NKD1: variants seen among roughly 807,000 people sequenced by gnomAD.
NKD1 encodes the protein protein naked cuticle homolog 1.
NKD1 carries 21 observed loss-of-function variants against 56.0 expected under a neutral mutation model. The ratio of observed to expected loss-of-function variants is 0.38; its 90% confidence interval spans 0.27 to 0.54. The LOEUF (loss-of-function observed/expected upper bound fraction) is 0.54, where lower values mean the gene tolerates loss of function less well. Among genes scored for constraint, NKD1 ranks in the 20% least tolerant of loss-of-function variants. The pLI is 0.82. For synonymous variants in NKD1, 263 were observed against 265.7 expected (o/e 0.99, Z 0.10); for missense variants, 578 against 642.7 (o/e 0.90, Z 1.09).
chr16:50,633,451 G>A lies in NKD1; in HGVS notation c.1083G>A (p.Val361=). The A allele has an allele frequency of 6.2e-7, 1 of 1,609,460 alleles. No homozygotes were observed. The highest frequency in any genetic ancestry group is 8.5e-7 in the Non-Finnish European group (1 of 1,177,348). Residue 361 remains valine (V), a synonymous_variant, in exon 10 of 10, where the codon GTG becomes GTA. Coordinates refer to ENST00000268459, the MANE Select transcript of NKD1 (RefSeq NM_033119.5). The surrounding 1 kb of genome is among the most constrained non-coding windows in gnomAD (Gnocchi z 4.9). ...GCAAGAGTGTGGGTGTGGGCCACGT[G>A]GCCAGAGGGGCAAGAAACAAGCCCC... ...AQGKSVGVGH[V]ARGARNKPPL...
chr16:50,549,838 T>C (rs972909156), intron 3 of NKD1, among the ~76,000 whole-genome samples: 2 of 152,048 alleles, frequency 1.3e-5, no homozygotes, highest in Non-Finnish European at 2.9e-5. Flanking sequence ...CCGGCGGGAT[T>C]TGGGGGCCTG....
At chr16:50,630,460 G>A in intron 7 of NKD1, 127 bp downstream of exon 7, 1 of 849,486 alleles carries the variant, frequency 1.2e-6, no homozygotes, top group Non-Finnish European at 1.8e-6. Flanking sequence ...GACAGGTGGG[G>A]TTCAAATGGG....
Position 50,549,699 on chromosome 16 carries a change from C to A in NKD1, c.192+144C>A, listed in dbSNP as rs369682483. 8.3e-6 allele frequency: 7 copies of A among 842,798 alleles called. No individual in the cohort carries two copies. The African/African-American group carries it at 1.1e-4, about 13-fold the overall frequency. 52.2% of individuals were successfully genotyped at this position (842,798 alleles called of 1,614,324 possible). A position where few individuals can be genotyped will look rare whatever the true frequency, so the allele number is the denominator to read the frequency against. On this transcript the variant is annotated intron_variant, in intron 3 of 9. Transcript: ENST00000268459. The stretch of plus-strand genomic sequence containing the variant: ...TCTTCTCAGCTGCCCCCTGCCCCAC[C>A]AACGCGACCCTCTGCCCGCATGCCT...
chr16:50,621,544 A>C (rs1962088513), intron 4 of NKD1, 58 bp from the exon 5 acceptor site: 2 of 1,283,322 alleles, frequency 1.6e-6, no homozygotes, highest in Non-Finnish European at 1.1e-6. Flanking sequence ...TGCAGTGAGC[A>C]TGGCTGCCCG....
chr16:50,633,449 G>C lies in NKD1; in HGVS notation c.1081G>C (p.Val361Leu). 6.2e-7 allele frequency: 1 copy of C among 1,609,668 alleles called. No homozygotes were observed. The highest frequency in any genetic ancestry group is 8.5e-7 in the Non-Finnish European group (1 of 1,177,418). The change falls in exon 10 of 10, where the codon GTG becomes CTG. Residue 361 changes from valine to leucine, a missense_variant. Transcript: ENST00000268459. This position sits in a 1 kb window ranked among gnomAD's most constrained non-coding sequence, Gnocchi z 4.9. ...GGGCAAGAGTGTGGGTGTGGGCCACGTGGCCAGAGGGGCAAGAAACAAGCC... is the reference window on the plus strand; with the variant it reads ...GGGCAAGAGTGTGGGTGTGGGCCACCTGGCCAGAGGGGCAAGAAACAAGCC... ...AQGKSVGVGHVARGARNKPPL... is the reference protein window; with the variant it reads ...AQGKSVGVGHLARGARNKPPL...
In NKD1 at chr16:50,623,725, CTGTGTG is replaced by C. The variant is rs71928407; in HGVS notation, c.367-1726_367-1721del. 9.1e-4 allele frequency among the ~76,000 whole-genome samples: 129 copies of C among 141,618 alleles called. No individual in the cohort carries two copies. The highest frequency in any genetic ancestry group is 7.1e-3 in the Middle Eastern group (2 of 280). The allele number at this position is 141,618 out of a possible 152,430, so 92.9% of individuals were successfully genotyped here. On this transcript the variant is annotated intron_variant, in intron 5 of 9. Coordinates refer to ENST00000268459, the MANE Select transcript of NKD1 (RefSeq NM_033119.5). This position sits in a 1 kb window ranked among gnomAD's most constrained non-coding sequence, Gnocchi z 4.1. ...AAGCTGTCTTGGAAACAGGTAAGTG[CTGTGTG>C]TGTGTGTGTGTGTGTGTGTGTGTGT...
intron 3 of NKD1, among the ~76,000 whole-genome samples, chr16:50,601,448 G>T (rs1006546346): frequency 6.6e-6 from 1 of 152,222 alleles, no homozygotes; most frequent in Non-Finnish European, 1.5e-5. Flanking sequence ...GTGCCTGCGT[G>T]GTACCAGGCG....
intron 3 of NKD1, among the ~76,000 whole-genome samples, chr16:50,582,614 C>T (rs962430168): frequency 2.0e-5 from 3 of 152,224 alleles, no homozygotes; most frequent in Non-Finnish European, 4.4e-5. Flanking sequence ...TGTTCATCCA[C>T]GAATTATCTG....
At chr16:50,579,993 C>G (rs1961082388) in intron 3 of NKD1, among the ~76,000 whole-genome samples, 1 of 151,940 alleles carries the variant, frequency 6.6e-6, no homozygotes. Context: ...CGCACCCTAA[C>G]CTGCTACACA....
rs1446086512 is a variant in NKD1, at chr16:50,646,619, C to T, written c.*12838C>T. 2 of 152,272 alleles carry T rather than the reference C, an allele frequency of 1.3e-5. No individual in the cohort carries two copies. The highest frequency in any genetic ancestry group is 2.9e-5 in the Non-Finnish European group (2 of 68,108). 9.4% of individuals were successfully genotyped at this position (152,272 alleles called of 1,614,324 possible). A position where few individuals can be genotyped will look rare whatever the true frequency, so the allele number is the denominator to read the frequency against. On this transcript the variant is annotated 3_prime_UTR_variant, in exon 10 of 10. Transcript: ENST00000268459. ...AGGCCCTGGGGACACAGTGCCCTCC[C>T]TCTAGGAGCCTTAATGGGGAAAACA... is the stretch of plus-strand genomic sequence containing the variant.
At chr16:50,578,910 G>T (rs1596716985) in intron 3 of NKD1, among the ~76,000 whole-genome samples, 1 of 152,136 alleles carries the variant, frequency 6.6e-6, no homozygotes, top group South Asian at 2.1e-4. Context: ...TAAAAACAAA[G>T]AAAGAAATAT....
chr16:50,630,412 A>T (rs1013081466), intron 7 of NKD1, 79 bp downstream of exon 7: 95 of 1,524,302 alleles, frequency 6.2e-5, no homozygotes, highest in Non-Finnish European at 8.4e-5. Context: ...GGAGGGCCGG[A>T]AGGGAACCTG....
intron 6 of NKD1, among the ~76,000 whole-genome samples, chr16:50,626,050 A>G (rs553705745): frequency 6.6e-6 from 1 of 152,326 alleles, no homozygotes; most frequent in East Asian, 1.9e-4. Context: ...TTTTGAGGCT[A>G]CAGGAATGAG....
At chr16:50,616,165 G>A (rs773765039) in intron 4 of NKD1, 3 of 436,204 alleles carry the variant, frequency 6.9e-6, no homozygotes, top group East Asian at 7.2e-5. Flanking sequence ...ATGTCAGGGC[G>A]AGCATCCAGA....
At chr16:50,599,081 C>T (rs112696256) in intron 3 of NKD1, among the ~76,000 whole-genome samples, 12 of 152,178 alleles carry the variant, frequency 7.9e-5, no homozygotes, top group East Asian at 3.9e-4. Flanking sequence ...TCTCTGCAGC[C>T]GGCCAGAAGT....
intron 3 of NKD1, chr16:50,557,193 T>C (rs1039347481): frequency 2.6e-5 from 4 of 152,242 alleles, no homozygotes; most frequent in Non-Finnish European, 5.9e-5. Flanking sequence ...AAACAAGTTG[T>C]GCAATTTAAG....
intron 8 of NKD1, among the ~76,000 whole-genome samples, chr16:50,631,563 C>T (rs1444586455): frequency 2.6e-5 from 4 of 152,176 alleles, no homozygotes; most frequent in African/African-American, 9.7e-5. Flanking sequence ...GGGTCACAGC[C>T]AGGTGTGGGG....
At chr16:50,594,448 G>A (rs542484331) in intron 3 of NKD1, among the ~76,000 whole-genome samples, 58 of 152,370 alleles carry the variant, frequency 3.8e-4, no homozygotes, top group African/African-American at 1.3e-3. Context: ...CAGAAACAGA[G>A]CCTGAGGTGA....
At chr16:50,560,663 C>G (rs544238598) in intron 3 of NKD1, among the ~76,000 whole-genome samples, 2 of 150,808 alleles carry the variant, frequency 1.3e-5, no homozygotes, top group South Asian at 2.1e-4. Context: ...TGTCTCAGCC[C>G]CATTCATGGT....
Sources: allele counts gnomAD v4.1 joint callset (sites outside exome capture counted in the v4.1 genomes callset), GRCh38; gene constraint gnomAD v4.1.1; non-coding constraint Gnocchi (gnomAD v3.1); transcripts MANE v1.5; gene names NCBI Gene and HGNC (gene_info 2026-07-23, HGNC 2026-07-21).